SVEP1: variants seen among roughly 807,000 people sequenced by gnomAD.
The protein encoded by SVEP1 is sushi, von Willebrand factor type A, EGF and pentraxin domain containing 1.
In SVEP1, 164 loss-of-function variants were observed where a neutral mutation model predicts 367.3. That is an observed-to-expected ratio of 0.45 (90% CI 0.39 to 0.51). SVEP1 has a LOEUF of 0.51. Ranked by LOEUF, SVEP1 falls within the 20% of genes least tolerant of loss-of-function variation. SVEP1 has a pLI of 0.00. For missense variants in SVEP1, 4,117 were observed against 4,425.3 expected (o/e 0.93, Z 1.98); for synonymous variants, 1,666 against 1,611.6 (o/e 1.03, Z -0.81).
At chr9:110,519,437 C>G (rs190445449) in intron 3 of SVEP1, among the ~76,000 whole-genome samples, 8 of 152,160 alleles carry the variant, frequency 5.3e-5, no homozygotes, top group Admixed American at 2.0e-4. Context: ...TCTCCAGCAT[C>G]CTTCAAGACT....
At chr9:110,456,200 C>T (rs1327598432) in intron 21 of SVEP1, among the ~76,000 whole-genome samples, 5 of 152,174 alleles carry the variant, frequency 3.3e-5, no homozygotes, top group African/African-American at 1.2e-4. Context: ...TCCTCACTAG[C>T]ATCAGCATTA....
intron 1 of SVEP1, among the ~76,000 whole-genome samples, chr9:110,564,322 G>A (rs1054159656): frequency 6.6e-6 from 1 of 152,128 alleles, no homozygotes; most frequent in African/African-American, 2.4e-5. Context: ...AAGAAATAAT[G>A]TCTTCTTACC....
intron 40 of SVEP1, among the ~76,000 whole-genome samples, chr9:110,400,169 C>T (rs1827835182): frequency 6.6e-6 from 1 of 152,300 alleles, no homozygotes; most frequent in South Asian, 2.1e-4. Flanking sequence ...TTGAGGAAAT[C>T]CTGGCTTTGC....
At chr9:110,531,672 G>A (rs1196021223) in intron 3 of SVEP1, among the ~76,000 whole-genome samples, 1 of 152,144 alleles carries the variant, frequency 6.6e-6, no homozygotes, top group Non-Finnish European at 1.5e-5. Flanking sequence ...CATTAGAAGT[G>A]TGAGAACAGA....
At chr9:110,491,590 G>GTGTGTGTGT (rs1554719181) in intron 8 of SVEP1, among the ~76,000 whole-genome samples, 2 of 147,838 alleles carry the variant, frequency 1.4e-5, no homozygotes, top group East Asian at 2.0e-4. Context: ...TATAGAATGG[G>GTGTGTGTGT]GTGTGTGTGT....
chr9:110,499,445 G>A (rs2118747089), intron 6 of SVEP1, among the ~76,000 whole-genome samples: 1 of 152,218 alleles, frequency 6.6e-6, no homozygotes, highest in South Asian at 2.1e-4. Context: ...ATTTTTGCCA[G>A]TGCATCATCA....
chr9:110,540,624 G>T (rs1013327149), intron 3 of SVEP1, among the ~76,000 whole-genome samples: 1 of 152,096 alleles, frequency 6.6e-6, no homozygotes, highest in Non-Finnish European at 1.5e-5. Flanking sequence ...AAAAGCACAT[G>T]ATTAACTTGA....
intron 13 of SVEP1, 149 bp downstream of exon 13, chr9:110,479,486 C>T: frequency 3.1e-6 from 3 of 979,400 alleles, no homozygotes; most frequent in Non-Finnish European, 2.8e-6. Flanking sequence ...TTTAGAAGTT[C>T]AAAATCTATG....
intron 7 of SVEP1, 98 bp downstream of exon 7, chr9:110,498,943 G>T: frequency 9.4e-7 from 1 of 1,069,248 alleles, no homozygotes; most frequent in Non-Finnish European, 1.3e-6. Flanking sequence ...ATTATCATGG[G>T]TTTGCAGCAA....
intron 43 of SVEP1, among the ~76,000 whole-genome samples, chr9:110,384,916 GTAGA>G (rs1827497742): frequency 6.6e-6 from 1 of 152,202 alleles, no homozygotes; most frequent in Non-Finnish European, 1.5e-5. Flanking sequence ...ATTGATTACT[GTAGA>G]GGTAGTAGCT....
chr9:110,375,410 A>T lies in SVEP1; in HGVS notation c.10558T>A (p.Cys3520Ser). Residue 3520 changes from cysteine to serine, a missense_variant, in exon 46 of 48, where the codon TGT becomes AGT. Around this residue, in one of 4 missense-constraint regions of SVEP1, gnomAD observed 1,765 missense variants for 1,781.1 expected, o/e 0.99. Transcript: ENST00000374469. ...NGGRCVAPYQ[C>S]DCPPGWTGSR... ...CCCGTCCAGCCAGGCGGGCAGTCAC[A>T]CTGGTAAGGGGCCACACAGCGACCT... is the stretch of plus-strand genomic sequence containing the variant. 1 of 1,521,790 alleles carries T rather than the reference A, an allele frequency of 6.6e-7. No individual in the cohort carries two copies. Among genetic ancestry groups the T allele is most frequent in the Non-Finnish European group, 8.9e-7 (1 of 1,127,884 alleles). 94.3% of individuals were successfully genotyped at this position (1,521,790 alleles called of 1,614,324 possible).
intron 16 of SVEP1, 147 bp downstream of exon 16, chr9:110,471,214 CTCT>C: frequency 1.5e-6 from 1 of 655,982 alleles, no homozygotes; most frequent in African/African-American, 1.8e-5. Context: ...GTTCCTTAGA[CTCT>C]TGAGACAAAA....
In SVEP1 at chr9:110,438,147, TCTC is replaced by T. The variant is rs1362976645; in HGVS notation, c.4640-1646_4640-1644del. ...TGTTGTGAGACCATCTTGAACGCGT[TCTC>T]ATTTCATGAGTTTTAGTAGTTATGC... is the stretch of plus-strand genomic sequence containing the variant. On this transcript the variant is annotated intron_variant, in intron 27 of 47. Coordinates refer to ENST00000374469, the MANE Select transcript of SVEP1 (RefSeq NM_153366.4). Among the ~76,000 whole-genome samples, 4 of 151,636 alleles carry T rather than the reference TCTC, an allele frequency of 2.6e-5. No individual in the cohort carries two copies. In the East Asian group the frequency reaches 7.7e-4, roughly 29 times the overall value.
chr9:110,481,757 G>A (rs1360104651), intron 11 of SVEP1, among the ~76,000 whole-genome samples: 1 of 152,022 alleles, frequency 6.6e-6, no homozygotes, highest in African/African-American at 2.4e-5. Context: ...CTGTCACCCA[G>A]GCTCGAATGC....
intron 40 of SVEP1, among the ~76,000 whole-genome samples, chr9:110,399,467 A>G (rs9775908): frequency 0.051 from 7,725 of 152,212 alleles, 221 homozygotes; most frequent in Middle Eastern, 0.12. Flanking sequence ...GTGCACATGT[A>G]CCCTAAAACT....
At chr9:110,398,011 C>A (rs1353244442) in intron 40 of SVEP1, among the ~76,000 whole-genome samples, 1 of 142,914 alleles carries the variant, frequency 7.0e-6, no homozygotes, top group Non-Finnish European at 1.6e-5. Context: ...TCATATGGAA[C>A]CAAAAAAGAG....
At chr9:110,429,026 G>A (rs1011581010) in intron 35 of SVEP1, 117 bp downstream of exon 35, 15 of 822,238 alleles carry the variant, frequency 1.8e-5, no homozygotes, top group East Asian at 1.4e-4. Context: ...CTGAGATTGC[G>A]CCACTGCACT....
In SVEP1 at chr9:110,514,075, G is replaced by A. The variant is rs1437032484; in HGVS notation, c.996C>T (p.Gly332=). ...ACPSGTYKPE[G]SPGGISSCIP... is the part of the protein sequence containing the mutation. ...TGCAACTGCTGATTCCTCCTGGTGA[G>A]CCTTCAGGTTTGTATGTCCCCGATG... Residue 332 remains glycine (G), a synonymous_variant, in exon 4 of 48, where the codon GGC becomes GGT. Coordinates refer to ENST00000374469, the MANE Select transcript of SVEP1 (RefSeq NM_153366.4). 1 of 1,610,866 alleles carries A rather than the reference G, an allele frequency of 6.2e-7. No homozygotes were observed. Among genetic ancestry groups the A allele is most frequent in the Non-Finnish European group, 8.5e-7 (1 of 1,178,546 alleles).
intron 45 of SVEP1, 81 bp downstream of exon 45, chr9:110,377,190 C>T (rs1268910170): frequency 1.5e-6 from 2 of 1,307,970 alleles, no homozygotes; most frequent in Admixed American, 1.8e-5. Flanking sequence ...AACAGTACAA[C>T]CATTTCCTGG....
Sources: gnomAD v4.1 joint callset for allele counts (sites outside exome capture counted in the v4.1 genomes callset) on GRCh38, gnomAD v4.1.1 for gene constraint, gnomAD v4.1.1 regional missense constraint, MANE v1.5 for transcripts, NCBI Gene and HGNC (gene_info 2026-07-23, HGNC 2026-07-21) for gene names.